Variants in SLC15A1 observed in about 807,000 individuals in gnomAD.
SLC15A1 encodes solute carrier family 15 member 1, also known as Caco-2 oligopeptide transporter.
SLC15A1 carries 83 observed loss-of-function variants against 92.9 expected under a neutral mutation model. The observed-to-expected ratio is 0.89, with a 90% CI of 0.75 to 1.07. SLC15A1 has a LOEUF of 1.07. SLC15A1 is among the 50% of genes least tolerant of loss of function. SLC15A1 has a pLI of 0.00. For missense variants in SLC15A1, 857 were observed against 880.1 expected (o/e 0.97, Z 0.33); for synonymous variants, 322 against 318.2 (o/e 1.01, Z -0.13).
intron 16 of SLC15A1, 120 bp downstream of exon 16, chr13:98,706,014 T>C: frequency 9.8e-7 from 1 of 1,019,876 alleles, no homozygotes; most frequent in Non-Finnish European, 1.4e-6. Flanking sequence ...ATCAAGATCC[T>C]TAGTTCACTT....
rs1021605707 is a variant in SLC15A1 at position 98,712,058 on chromosome 13, G to A, written c.811-115C>T. On this transcript the variant is annotated intron_variant, in intron 10 of 22. Transcript: ENST00000376503. The stretch of plus-strand genomic sequence containing the variant: ...CACAGATATTTGCATCTAGAGGCAA[G>A]CTGGGAGGTGATTAATCCAAAACAT... 13 of 735,618 alleles carry A rather than the reference G, an allele frequency of 1.8e-5. No homozygotes were observed. In the African/African-American group the frequency reaches 2.3e-4, roughly 13 times the overall value. 45.6% of individuals were successfully genotyped at this position (735,618 alleles called of 1,614,324 possible).
Position 98,732,876 on chromosome 13 carries a change from G to C in SLC15A1, c.5-6017C>G, listed in dbSNP as rs573540337. ...TGGTGGTCAGAATGGTGGTCCCCTAGAGATGTCCATGTCGTAATCTCTGGG... is the reference window on the plus strand; with the variant it reads ...TGGTGGTCAGAATGGTGGTCCCCTACAGATGTCCATGTCGTAATCTCTGGG... On this transcript the variant is annotated intron_variant, in intron 1 of 22. Transcript: ENST00000376503. 3.3e-5 allele frequency among the ~76,000 whole-genome samples: 5 copies of C among 152,320 alleles called. No homozygotes were observed. The South Asian group carries it at 6.2e-4, about 19-fold the overall frequency.
At chr13:98,748,900 C>T (rs1416183660) in intron 1 of SLC15A1, among the ~76,000 whole-genome samples, 1 of 152,206 alleles carries the variant, frequency 6.6e-6, no homozygotes, top group Non-Finnish European at 1.5e-5. Context: ...ACCTGAGACT[C>T]TAGGCAAGAG....
chr13:98,742,468 G>C (rs970904631), intron 1 of SLC15A1, among the ~76,000 whole-genome samples: 1 of 152,238 alleles, frequency 6.6e-6, no homozygotes, highest in Non-Finnish European at 1.5e-5. Context: ...CCTGGGGACA[G>C]CTCCTGGTCA....
intron 21 of SLC15A1, 61 bp downstream of exon 21, chr13:98,687,520 A>T: frequency 6.4e-7 from 1 of 1,569,996 alleles, no homozygotes; most frequent in Non-Finnish European, 8.7e-7. Context: ...ATTAAGTCCC[A>T]TCAGCATTTT....
chr13:98,685,812 A>G (rs893048582), intron 22 of SLC15A1, among the ~76,000 whole-genome samples: 8 of 152,010 alleles, frequency 5.3e-5, no homozygotes, highest in African/African-American at 1.7e-4. Flanking sequence ...ATGGTGAAAC[A>G]CTGTCTCTAC....
intron 8 of SLC15A1, 51 bp downstream of exon 8, chr13:98,719,186 A>T: frequency 1.5e-6 from 2 of 1,336,490 alleles, no homozygotes; most frequent in Non-Finnish European, 2.1e-6. Flanking sequence ...TCATTCACGT[A>T]GGGCCTGACC....
chr13:98,707,173 C>T (rs1871208033), intron 15 of SLC15A1, among the ~76,000 whole-genome samples: 1 of 152,154 alleles, frequency 6.6e-6, no homozygotes, highest in Admixed American at 6.5e-5. Flanking sequence ...ACAAAGCTAG[C>T]TATGTCCAAG....
At chr13:98,702,775 G>A (rs756896127) in intron 17 of SLC15A1, among the ~76,000 whole-genome samples, 3 of 151,878 alleles carry the variant, frequency 2.0e-5, no homozygotes, top group Non-Finnish European at 2.9e-5. Flanking sequence ...GTGAGACACA[G>A]TGAGACCTTG....
At position 98,684,928 on chromosome 13, in the gene SLC15A1, C is replaced by T; in HGVS notation, c.1936-13G>A. Reference sequence around the variant, plus strand: ...TGTACTCGGCCCACTTTGAAGAAATCAGAGTTGGAGCAGGAAAAAGAACAA... The same window carrying T: ...TGTACTCGGCCCACTTTGAAGAAATTAGAGTTGGAGCAGGAAAAAGAACAA... On this transcript the variant is annotated splice_polypyrimidine_tract_variant and intron_variant, in intron 22 of 22. Coordinates refer to ENST00000376503, the MANE Select transcript of SLC15A1 (RefSeq NM_005073.4). 6.2e-7 allele frequency: 1 copy of T among 1,604,914 alleles called. No individual in the cohort carries two copies. Among genetic ancestry groups the T allele is most frequent in the South Asian group, 1.1e-5 (1 of 90,098 alleles).
chr13:98,688,559 G>A lies in SLC15A1; in HGVS notation c.1485C>T (p.Asn495=), dbSNP rs141985768. 3.6e-5 allele frequency: 58 copies of A among 1,613,106 alleles called. No homozygotes were observed. The highest frequency in any genetic ancestry group is 1.2e-4 in the African/African-American group (9 of 74,884). The change falls in exon 19 of 23, where the codon AAC becomes AAT. Residue 495 remains asparagine (N), a synonymous_variant. Transcript: ENST00000376503. ...CACTCATTGTGATGGTGATGAGCTCGTTAAAAGTATTTACAAATCTGAAAC... is the reference window on the plus strand; with the variant it reads ...CACTCATTGTGATGGTGATGAGCTCATTAAAAGTATTTACAAATCTGAAAC... The part of the protein sequence containing the change: ...ENGIRFVNTF[N]ELITITMSGK...
At chr13:98,751,260 C>G (rs2088544042) in intron 1 of SLC15A1, among the ~76,000 whole-genome samples, 2 of 152,200 alleles carry the variant, frequency 1.3e-5, no homozygotes, top group South Asian at 4.1e-4. Context: ...CAGTTGCAGA[C>G]TAGAACGCAT....
chr13:98,737,224 T>C (rs867216359), intron 1 of SLC15A1, among the ~76,000 whole-genome samples: 5 of 152,228 alleles, frequency 3.3e-5, no homozygotes, highest in Admixed American at 6.5e-5. Context: ...GCCATCATTC[T>C]GAAGCATCTG....
At chr13:98,733,111 G>A (rs948384605) in intron 1 of SLC15A1, among the ~76,000 whole-genome samples, 2 of 152,140 alleles carry the variant, frequency 1.3e-5, no homozygotes, top group African/African-American at 2.4e-5. Flanking sequence ...GTGGCCTGGA[G>A]AAGCTGGAAA....
chr13:98,704,257 A>G, intron 17 of SLC15A1, 32 bp downstream of exon 17: 1 of 1,535,742 alleles, frequency 6.5e-7, no homozygotes, highest in African/African-American at 1.4e-5. Context: ...CACAAATAGC[A>G]AAGAGTCAGC....
rs2087950979 is a variant in SLC15A1, at chr13:98,688,577, T to A, written c.1467A>T (p.Arg489Ser). The change falls in exon 19 of 23, where the codon AGA (arginine) becomes AGT (serine). Residue 489 changes from arginine to serine, a missense_variant and splice_region_variant. By Grantham distance (110) the Arg-to-Ser change is moderately radical. Transcript: ENST00000376503. ...QKPEKGENGI[R>S]FVNTFNELIT... ...TGAGCTCGTTAAAAGTATTTACAAA[T>A]CTGAAACAGAAAACCATCTGTCTTG... The A allele has an allele frequency of 6.2e-7, 1 of 1,609,042 alleles. No homozygotes were observed. Among genetic ancestry groups the A allele is most frequent in the African/African-American group, 1.3e-5 (1 of 74,820 alleles).
intron 3 of SLC15A1, 23 bp from the exon 4 acceptor site, chr13:98,726,287 G>GA: frequency 6.2e-7 from 1 of 1,613,866 alleles, no homozygotes; most frequent in Non-Finnish European, 8.5e-7. Flanking sequence ...GCAGGTGGAA[G>GA]AGGAGGGGGA....
At chr13:98,709,432 C>A (rs2088142710) in intron 14 of SLC15A1, 140 bp downstream of exon 14, 2 of 664,828 alleles carry the variant, frequency 3.0e-6, no homozygotes, top group South Asian at 1.9e-5. Flanking sequence ...AACATCAGCA[C>A]ACGAACATTT....
chr13:98,700,211 G>A (rs947197815), intron 18 of SLC15A1, among the ~76,000 whole-genome samples: 5 of 152,018 alleles, frequency 3.3e-5, no homozygotes, highest in African/African-American at 1.2e-4. Context: ...GTGTAGGCCC[G>A]CACAGTGGCT....
Sources: gnomAD v4.1 joint callset for allele counts (sites outside exome capture counted in the v4.1 genomes callset) on GRCh38, gnomAD v4.1.1 for gene constraint, MANE v1.5 for transcripts, NCBI Gene and HGNC (gene_info 2026-07-23, HGNC 2026-07-21) for gene names.